PDE8A: variants seen among roughly 807,000 people sequenced by gnomAD.
The protein encoded by PDE8A is phosphodiesterase 8A.
PDE8A carries 59 observed loss-of-function variants against 105.0 expected under a neutral mutation model. The ratio of observed to expected loss-of-function variants is 0.56; its 90% CI spans 0.46 to 0.70. The LOEUF is 0.70. Ranked by LOEUF, PDE8A falls within the 30% of genes least tolerant of loss-of-function variation. The pLI is 0.00. For missense variants in PDE8A, 1,014 were observed against 1,045.9 expected, an observed-to-expected ratio of 0.97 and a Z score of 0.42; for synonymous variants, 355 against 371.9, an observed-to-expected ratio of 0.95 and a Z score of 0.52.
In PDE8A at chr15:85,118,067, T is replaced by G. The variant is rs180920548; in HGVS notation, c.1734+228T>G. On this transcript the variant is annotated intron_variant, in intron 17 of 21. Coordinates refer to ENST00000394553, the MANE Select transcript of PDE8A (RefSeq NM_002605.3). ...TCCATGAGGGTACAAGAGGCAGAAT[T>G]TGGTCCCGGAGGAGAAACCTAACAA... 3.9e-5 allele frequency among the ~76,000 whole-genome samples: 6 copies of G among 152,286 alleles called. No homozygotes were observed. In the East Asian group the frequency reaches 9.7e-4, roughly 25 times the overall value.
At chr15:85,026,864 G>A (rs1244763889) in intron 1 of PDE8A, among the ~76,000 whole-genome samples, 1 of 152,164 alleles carries the variant, frequency 6.6e-6, no homozygotes, top group African/African-American at 2.4e-5. Flanking sequence ...AAAAGGCATT[G>A]TGAAACTTGT....
chr15:85,076,042 C>A, intron 4 of PDE8A, 124 bp downstream of exon 4: 2 of 521,762 alleles, frequency 3.8e-6, no homozygotes, highest in South Asian at 4.1e-5. Flanking sequence ...GCCTTCTCTT[C>A]TTTATTCTTT....
At chr15:85,137,674 G>C (rs1267616596) in intron 21 of PDE8A, 123 bp from the exon 22 acceptor site, 2 of 631,684 alleles carry the variant, frequency 3.2e-6, no homozygotes, top group Non-Finnish European at 5.7e-6. Flanking sequence ...GTGTTTGCCC[G>C]GGTCTGTTTA....
chr15:85,100,344 C>CT (rs1188471328), intron 11 of PDE8A, 146 bp downstream of exon 11: 1 of 700,458 alleles, frequency 1.4e-6, no homozygotes, highest in African/African-American at 1.8e-5. Context: ...CCCAGGCTGG[C>CT]TTATGAGTCA....
chr15:85,087,367 A>C (rs1202756676), intron 6 of PDE8A, among the ~76,000 whole-genome samples: 2 of 151,970 alleles, frequency 1.3e-5, no homozygotes, highest in African/African-American at 4.8e-5. Flanking sequence ...CAGGCCAGCT[A>C]ATTTTTTATT....
chr15:85,098,575 G>A (rs1005143082), intron 9 of PDE8A, among the ~76,000 whole-genome samples: 1 of 152,074 alleles, frequency 6.6e-6, no homozygotes, highest in African/African-American at 2.4e-5. Context: ...TGAAAATTAT[G>A]AATATGAATT....
chr15:85,078,548 C>CAAAAAAAAAAAAAAAAAAAAAAAAAAAAA (rs72174562), intron 5 of PDE8A, among the ~76,000 whole-genome samples: 1 of 94,344 alleles, frequency 1.1e-5, no homozygotes, highest in African/African-American at 3.4e-5. Flanking sequence ...TACTCCATCT[C>CAAAAAAAAAAAAAAAAAAAAAAAAAAAAA]AAAAAAAAAA....
intron 1 of PDE8A, among the ~76,000 whole-genome samples, chr15:84,985,184 A>G (rs1402170227): frequency 6.6e-6 from 1 of 152,238 alleles, no homozygotes. Flanking sequence ...GTGAGATACC[A>G]ATATTCAAAG....
chr15:85,030,691 C>G (rs1277278047), intron 1 of PDE8A, among the ~76,000 whole-genome samples: 2 of 131,912 alleles, frequency 1.5e-5, no homozygotes, highest in Non-Finnish European at 3.3e-5. Flanking sequence ...TTGGTGGCTT[C>G]ACACTTCCAT....
chr15:85,128,015 G>A (rs1169052298), intron 20 of PDE8A, among the ~76,000 whole-genome samples: 4 of 137,898 alleles, frequency 2.9e-5, no homozygotes, highest in African/African-American at 1.1e-4. Flanking sequence ...TGAAATTTTT[G>A]CAGTAAGTGG....
intron 1 of PDE8A, among the ~76,000 whole-genome samples, chr15:85,035,670 A>G (rs1283746691): frequency 6.7e-6 from 1 of 148,804 alleles, no homozygotes; most frequent in Non-Finnish European, 1.5e-5. Context: ...AGACCAAATT[A>G]TTATTTATTT....
chr15:85,136,663 G>A lies in PDE8A; in HGVS notation c.2383G>A (p.Ala795Thr). Reference protein sequence around the residue: ...FITDMFDAWDAFVDLPDLMQH... With the variant: ...FITDMFDAWDTFVDLPDLMQH... Reference sequence around the variant, plus strand: ...CACAGACATGTTTGATGCTTGGGATGGTAAGAAATCTTCCTTAAAATAGCA... The same window carrying A: ...CACAGACATGTTTGATGCTTGGGATAGTAAGAAATCTTCCTTAAAATAGCA... Residue 795 changes from alanine (A) to threonine (T), a missense_variant and splice_region_variant, in exon 21 of 22, where the codon GCC (alanine) becomes ACC (threonine). Transcript: ENST00000394553. 1 of 1,612,814 alleles carries A rather than the reference G, an allele frequency of 6.2e-7. No individual in the cohort carries two copies. The highest frequency in any genetic ancestry group is 8.5e-7 in the Non-Finnish European group (1 of 1,179,422).
chr15:85,050,736 A>G (rs1251243125), intron 1 of PDE8A, among the ~76,000 whole-genome samples: 1 of 152,192 alleles, frequency 6.6e-6, no homozygotes, highest in East Asian at 1.9e-4. Context: ...AAGTCACAAA[A>G]TCAGGAAGTG....
intron 8 of PDE8A, among the ~76,000 whole-genome samples, chr15:85,096,229 TCTC>T (rs2081749553): frequency 6.6e-6 from 1 of 152,124 alleles, no homozygotes; most frequent in Admixed American, 6.5e-5. Context: ...AATTTTTTTC[TCTC>T]TCTTTTTTTA....
chr15:85,085,017 T>C (rs2081528551), intron 6 of PDE8A, among the ~76,000 whole-genome samples: 1 of 152,228 alleles, frequency 6.6e-6, no homozygotes, highest in African/African-American at 2.4e-5. Flanking sequence ...TTAGTCTCCC[T>C]ATGTCTAGTC....
At chr15:85,098,093 A>G in intron 9 of PDE8A, 57 bp downstream of exon 9, 2 of 1,034,038 alleles carry the variant, frequency 1.9e-6, no homozygotes, top group Non-Finnish European at 3.0e-6. Flanking sequence ...TTATTGCAGA[A>G]TTTGCTTTGA....
chr15:85,095,875 T>TATATATATATATA (rs200233444), intron 8 of PDE8A, among the ~76,000 whole-genome samples: 5 of 145,692 alleles, frequency 3.4e-5, no homozygotes, highest in African/African-American at 1.2e-4. Context: ...TATATATATA[T>TATATATATATATA]TTTTTTTATA....
intron 11 of PDE8A, among the ~76,000 whole-genome samples, chr15:85,107,450 A>C (rs7182328): frequency 0.087 from 13,320 of 152,232 alleles, 1,601 homozygotes; most frequent in African/African-American, 0.28. Flanking sequence ...GAAAGGGATA[A>C]GGTTGGTGTT....
chr15:85,126,738 A>G (rs2082264766), intron 20 of PDE8A, among the ~76,000 whole-genome samples: 1 of 152,124 alleles, frequency 6.6e-6, no homozygotes, highest in African/African-American at 2.4e-5. Flanking sequence ...GGTGGAGGGC[A>G]TATGCACATG....
Sources: gnomAD v4.1 joint callset for allele counts (sites outside exome capture counted in the v4.1 genomes callset) on GRCh38, gnomAD v4.1.1 for gene constraint, MANE v1.5 for transcripts, NCBI Gene and HGNC (gene_info 2026-07-23, HGNC 2026-07-21) for gene names.